The following ZFP30 variants were observed in gnomAD, a reference collection of about 807,000 sequenced individuals.
ZFP30 encodes the protein ZFP30 zinc finger protein.
Under a neutral mutation model 12.3 loss-of-function variants are expected in ZFP30, and 16 were observed. The observed-to-expected ratio is 1.30, with a 90% confidence interval of 0.88 to 1.98. The LOEUF is 1.98. Ranked by LOEUF, ZFP30 falls within the 30% of genes most tolerant of loss-of-function variation. The pLI is 0.00. For synonymous variants in ZFP30, 172 were observed against 201.0 expected, an observed-to-expected ratio of 0.86 and a Z score of 1.22; for missense variants, 560 against 611.2, an observed-to-expected ratio of 0.92 and a Z score of 0.88.
Position 37,632,758 on chromosome 19 carries a change from A to G in ZFP30, c.*2223T>C, listed in dbSNP as rs1210865819. 1 of 152,226 alleles carries G rather than the reference A, an allele frequency of 6.6e-6. No individual in the cohort carries two copies. Among genetic ancestry groups the G allele is most frequent in the Non-Finnish European group, 1.5e-5 (1 of 68,036 alleles). 9.4% of individuals were successfully genotyped at this position (152,226 alleles called of 1,614,324 possible). A position where few individuals can be genotyped will look rare whatever the true frequency, so the allele number is the denominator to read the frequency against. ...TTGGACTAGCCACATTTCAGTGCTCAATAACTCAATTTCAAGTGCTCAACA... is the reference window on the plus strand; with the variant it reads ...TTGGACTAGCCACATTTCAGTGCTCGATAACTCAATTTCAAGTGCTCAACA... On this transcript the variant is annotated 3_prime_UTR_variant, in exon 6 of 6. Transcript: ENST00000684514.
chr19:37,635,107 A>G lies in ZFP30; in HGVS notation c.1434T>C (p.His478=). ...CKECGKAFRL[H]SSLIQHQRIH... is the part of the protein sequence containing the mutation. ...TTCTCTGATGTTGAATCAGTGATGA[A>G]TGAAGTCTAAAGGCCTTTCCACATT... The change falls in exon 6 of 6, where the codon CAT becomes CAC. Residue 478 remains histidine, a synonymous_variant. Transcript: ENST00000684514. 1 of 1,613,730 alleles carries G rather than the reference A, an allele frequency of 6.2e-7. No individual in the cohort carries two copies. The highest frequency in any genetic ancestry group is 8.5e-7 in the Non-Finnish European group (1 of 1,179,850).
chr19:37,650,062 C>T (rs2044618806), intron 2 of ZFP30, among the ~76,000 whole-genome samples: 1 of 151,734 alleles, frequency 6.6e-6, no homozygotes, highest in Non-Finnish European at 1.5e-5. Context: ...TTTATTGTTA[C>T]CTTTACTTGA....
intron 5 of ZFP30, among the ~76,000 whole-genome samples, chr19:37,641,822 T>C (rs1487443987): frequency 6.6e-6 from 1 of 152,248 alleles, no homozygotes; most frequent in Non-Finnish European, 1.5e-5. Flanking sequence ...TTTTAATCTA[T>C]AGGTTTTCCT....
chr19:37,640,677 A>G (rs2044416396), intron 5 of ZFP30, among the ~76,000 whole-genome samples: 3 of 151,522 alleles, frequency 2.0e-5, no homozygotes. Context: ...GCATGAACCC[A>G]GGAGTCTGAA....
rs2044262313 is a variant in ZFP30, at chr19:37,633,195, T to C, written c.*1786A>G. The C allele has an allele frequency of 6.8e-6, 1 of 146,268 alleles. No homozygotes were observed. The highest frequency in any genetic ancestry group is 2.2e-4 in the South Asian group (1 of 4,628). 9.1% of individuals were successfully genotyped at this position (146,268 alleles called of 1,614,324 possible). A position where few individuals can be genotyped will look rare whatever the true frequency, so the allele number is the denominator to read the frequency against. On this transcript the variant is annotated 3_prime_UTR_variant, in exon 6 of 6. Transcript: ENST00000684514. ...CAAAAAAAAAAAAAAAAAAGGTGCA[T>C]ACCATGGGTACTATAATATAGAGAT...
chr19:37,643,274 ATCT>A lies in ZFP30; in HGVS notation c.223_225del (p.Arg75del). ...CCTGATCAGCACTTACCTAGAGTCCATCTTCTTTTCTCATCCCTCACAACCATC... is the reference window on the plus strand; with the variant it reads ...CCTGATCAGCACTTACCTAGAGTCCATCTTTTCTCATCCCTCACAACCATC... On this transcript the variant is annotated inframe_deletion, in exon 5 of 6. Coordinates refer to ENST00000684514, the MANE Select transcript of ZFP30 (RefSeq NM_001320669.3). 1.2e-6 allele frequency: 2 copies of A among 1,611,458 alleles called. No homozygotes were observed. The highest frequency in any genetic ancestry group is 2.2e-5 in the South Asian group (2 of 90,236).
rs1310508889 is a variant in ZFP30 at position 37,636,268 on chromosome 19, TTGAAA to T, written c.268_272del (p.Phe90ArgfsTer6). On this transcript the variant is annotated frameshift_variant, in exon 6 of 6. Transcript: ENST00000684514. LOFTEE classifies it low-confidence loss of function (END_TRUNC). Reference sequence around the variant, plus strand: ...AGTTCATTTCATAAATATCCTTTCCTTGAAATAACTTTTTAGTGTCATATCTGGAT... The same window carrying T: ...AGTTCATTTCATAAATATCCTTTCCTTAACTTTTTAGTGTCATATCTGGAT... 6.2e-7 allele frequency: 1 copy of T among 1,601,448 alleles called. No individual in the cohort carries two copies. The highest frequency in any genetic ancestry group is 8.5e-7 in the Non-Finnish European group (1 of 1,175,032).
At chr19:37,644,537 A>C in intron 4 of ZFP30, 73 bp downstream of exon 4, 1 of 1,360,452 alleles carries the variant, frequency 7.4e-7, no homozygotes, top group South Asian at 1.5e-5. Flanking sequence ...CGTCTTTGGA[A>C]AAAAACAAAG....
rs1238309801 is a variant in ZFP30 at position 37,643,324 on chromosome 19, A to G, written c.176T>C (p.Leu59Ser). The change falls in exon 5 of 6, where the codon TTG becomes TCG. Residue 59 changes from leucine (L) to serine (S), a missense_variant. Physicochemically the swap from Leu to Ser is moderately radical, Grantham distance 145. Transcript: ENST00000684514. ...SISKPDVITL[L>S]EQGKEPWMVV... ...CATCCAGGGCTCTTTCCCTTGTTCC[A>G]ATAGGGTGATCACATCTGGCTTAGA... 6.2e-7 allele frequency: 1 copy of G among 1,609,576 alleles called. No homozygotes were observed. Among genetic ancestry groups the G allele is most frequent in the Non-Finnish European group, 8.5e-7 (1 of 1,178,158 alleles).
At chr19:37,655,564 G>C (rs1405114895), upstream of ZFP30, 1 of 152,284 alleles carries the variant, frequency 6.6e-6, no homozygotes. Context: ...CGTGGGGCCG[G>C]GTCTCGGCGG....
At chr19:37,646,825 T>G (rs2044552565) in intron 3 of ZFP30, among the ~76,000 whole-genome samples, 1 of 152,164 alleles carries the variant, frequency 6.6e-6, no homozygotes, top group Non-Finnish European at 1.5e-5. Flanking sequence ...CTCGAACTCC[T>G]CTGCTCAAGT....
In ZFP30 at chr19:37,633,289, G is replaced by A. The variant is rs1017903082; in HGVS notation, c.*1692C>T. The A allele has an allele frequency of 1.3e-5, 2 of 152,116 alleles. No individual in the cohort carries two copies. Among genetic ancestry groups the A allele is most frequent in the African/African-American group, 2.4e-5 (1 of 41,432 alleles). The allele number at this position is 152,116 out of a possible 1,614,324, so 9.4% of individuals were successfully genotyped here. A position where few individuals can be genotyped will look rare whatever the true frequency, so the allele number is the denominator to read the frequency against. ...CTGAATACATTATCGTCATTATAGT[G>A]TAATTAATATTCCAATCCCAATGTG... On this transcript the variant is annotated 3_prime_UTR_variant, in exon 6 of 6. Transcript: ENST00000684514.
In ZFP30 at chr19:37,635,275, G is replaced by C. The variant is rs1396731351; in HGVS notation, c.1266C>G (p.Phe422Leu). ...TACTCTGATGTTGAGTAAGCTGTGAGAACAGCCTAAATGCCTTCCCACATT... is the reference window on the plus strand; with the variant it reads ...TACTCTGATGTTGAGTAAGCTGTGACAACAGCCTAAATGCCTTCCCACATT... ...CKECGKAFRL[F>L]SQLTQHQSIH... Residue 422 changes from phenylalanine (F) to leucine (L), a missense_variant, in exon 6 of 6, where the codon TTC becomes TTG. Phe to Leu is a conservative substitution (Grantham distance 22). Coordinates refer to ENST00000684514, the MANE Select transcript of ZFP30 (RefSeq NM_001320669.3). 6.2e-7 allele frequency: 1 copy of C among 1,614,086 alleles called. No individual in the cohort carries two copies.
chr19:37,635,312 T>C lies in ZFP30; in HGVS notation c.1229A>G (p.Tyr410Cys). Reference protein sequence around the residue: ...HQGIHIGEKPYECKECGKAFR... With the variant: ...HQGIHIGEKPCECKECGKAFR... ...TGCCTTCCCACATTCCTTACATTCA[T>C]AAGGTTTCTCTCCAATGTGAATACC... Residue 410 changes from tyrosine to cysteine, a missense_variant, in exon 6 of 6, where the codon TAT (tyrosine) becomes TGT (cysteine). Transcript: ENST00000684514. The C allele has an allele frequency of 6.2e-7, 1 of 1,614,048 alleles. No homozygotes were observed.
intron 2 of ZFP30, chr19:37,651,606 A>G (rs1421439461): frequency 6.6e-6 from 1 of 151,930 alleles, no homozygotes; most frequent in African/African-American, 2.4e-5. Context: ...ACAGCTGTCT[A>G]TTTTATATTC....
In ZFP30 at chr19:37,644,515, TC is replaced by T. The variant is rs1163586463; in HGVS notation, c.136+94del. 2.2e-6 allele frequency: 3 copies of T among 1,357,952 alleles called. No homozygotes were observed. In the East Asian group the frequency reaches 7.8e-5, roughly 36 times the overall value. 84.1% of individuals were successfully genotyped at this position (1,357,952 alleles called of 1,614,324 possible). A position where few individuals can be genotyped will look rare whatever the true frequency, so the allele number is the denominator to read the frequency against. On this transcript the variant is annotated intron_variant, in intron 4 of 5. Transcript: ENST00000684514. ...CGCCACTGCACTTCAGCCTGGTGAC[TC>T]AGCGAGACTTCGTCTTTGGAAAAAA...
intron 5 of ZFP30, among the ~76,000 whole-genome samples, chr19:37,638,547 C>T (rs781403319): frequency 9.9e-5 from 15 of 152,232 alleles, no homozygotes; most frequent in Middle Eastern, 3.4e-3. Context: ...GTTAAAGCAA[C>T]GTTATTTGTA....
At chr19:37,640,247 A>T (rs147021859) in intron 5 of ZFP30, among the ~76,000 whole-genome samples, 5 of 152,154 alleles carry the variant, frequency 3.3e-5, no homozygotes, top group Non-Finnish European at 7.4e-5. Flanking sequence ...ATGTTTCATA[A>T]GTACTTTAAT....
chr19:37,640,483 A>G (rs1481707861), intron 5 of ZFP30, among the ~76,000 whole-genome samples: 1 of 150,874 alleles, frequency 6.6e-6, no homozygotes, highest in African/African-American at 2.4e-5. Context: ...CTACTGAATC[A>G]AAGAGTTTAG....
Sources: gnomAD v4.1 joint callset for allele counts (sites outside exome capture counted in the v4.1 genomes callset) on GRCh38, gnomAD v4.1.1 for gene constraint, MANE v1.5 for transcripts, NCBI Gene and HGNC (gene_info 2026-07-23, HGNC 2026-07-21) for gene names.